Variants in FHIT observed in about 807,000 individuals in gnomAD.
FHIT encodes the protein fragile histidine triad diadenosine triphosphatase.
In FHIT, 19 loss-of-function variants were observed where a neutral mutation model predicts 17.9. That is an observed-to-expected ratio of 1.06 (90% CI 0.74 to 1.56). The LOEUF is 1.56. Ranked by LOEUF, FHIT falls within the 40% of genes most tolerant of loss-of-function variation. The probability of loss-of-function intolerance (pLI) is 0.00; values close to 1 mark genes in which losing one functional copy is unlikely to be tolerated. For missense variants in FHIT, 248 were observed against 189.2 expected, an observed-to-expected ratio of 1.31 and a Z score of -1.82; for synonymous variants, 81 against 69.7, an observed-to-expected ratio of 1.16 and a Z score of -0.81.
chr3:60,801,228 G>A (rs910334814), intron 4 of FHIT, among the ~76,000 whole-genome samples: 9 of 152,152 alleles, frequency 5.9e-5, no homozygotes, highest in Admixed American at 2.6e-4. Flanking sequence ...GGGTTATTCC[G>A]TGGGTTAATA....
chr3:61,210,841 G>A (rs967720476), intron 1 of FHIT, among the ~76,000 whole-genome samples: 1 of 151,866 alleles, frequency 6.6e-6, no homozygotes, highest in Non-Finnish European at 1.5e-5. Context: ...ACTCCCCAGT[G>A]AGATGAACCT....
intron 5 of FHIT, among the ~76,000 whole-genome samples, chr3:60,308,494 G>GTATATATATA (rs1308402989): frequency 3.8e-5 from 2 of 52,324 alleles, no homozygotes; most frequent in African/African-American, 1.8e-4. Context: ...ATAGGTGTAT[G>GTATATATATA]TGTATATATA....
At chr3:59,944,338 T>A (rs1706687619) in intron 7 of FHIT, among the ~76,000 whole-genome samples, 1 of 152,090 alleles carries the variant, frequency 6.6e-6, no homozygotes, top group Non-Finnish European at 1.5e-5. Flanking sequence ...ACAGAATGAA[T>A]CCATTACCAC....
Position 60,931,041 on chromosome 3 carries a change from T to C in FHIT, c.-110-109030A>G, listed in dbSNP as rs1174016782. ...ATGGAATACTATGCAGCCATAAAAA[T>C]TGATGAGTTCATGTCCTTTGTAGGG... On this transcript the variant is annotated intron_variant, in intron 3 of 9. Coordinates refer to ENST00000492590, the MANE Select transcript of FHIT (RefSeq NM_002012.4). Among the ~76,000 whole-genome samples, 3 of 152,122 alleles carry C rather than the reference T, an allele frequency of 2.0e-5. 1 individual carries two copies. The highest frequency in any genetic ancestry group is 6.3e-3 in the Middle Eastern group (2 of 316).
At chr3:60,352,965 C>A (rs2106951689) in intron 5 of FHIT, among the ~76,000 whole-genome samples, 1 of 152,284 alleles carries the variant, frequency 6.6e-6, no homozygotes, top group Middle Eastern at 3.4e-3. Context: ...CCTTGGAGAT[C>A]AATTCCTTAA....
intron 5 of FHIT, among the ~76,000 whole-genome samples, chr3:60,178,131 C>A (rs1039070595): frequency 3.9e-5 from 6 of 152,300 alleles, no homozygotes; most frequent in Non-Finnish European, 8.8e-5. Context: ...TTCAGAAGAA[C>A]TGAGGAGGAT....
Position 60,476,106 on chromosome 3 carries a change from AG to A in FHIT, c.103+60753del, listed in dbSNP as rs376598488. Among the ~76,000 whole-genome samples, 256 of 152,348 alleles carry A rather than the reference AG, an allele frequency of 1.7e-3. 5 individuals are homozygous for A. Among genetic ancestry groups the A allele is most frequent in the African/African-American group, 3.8e-3 (156 of 41,592 alleles). ...ATAGTAGAAAAACTGATGGCTGTGC[AG>A]TCACAGAAATCTTCCAAGTCTACAT... On this transcript the variant is annotated intron_variant, in intron 5 of 9. Coordinates refer to ENST00000492590, the MANE Select transcript of FHIT (RefSeq NM_002012.4).
chr3:61,113,011 T>C (rs140809717), intron 2 of FHIT, among the ~76,000 whole-genome samples: 3 of 152,176 alleles, frequency 2.0e-5, no homozygotes, highest in African/African-American at 7.2e-5. Context: ...TATTTGTTTG[T>C]TTGTTTGTTT....
chr3:60,037,805 C>A (rs574263356), intron 5 of FHIT, among the ~76,000 whole-genome samples: 1 of 151,996 alleles, frequency 6.6e-6, no homozygotes, highest in Non-Finnish European at 1.5e-5. Context: ...CCTCTGCCTC[C>A]CGGGTTCAAG....
intron 4 of FHIT, among the ~76,000 whole-genome samples, chr3:60,580,737 G>C (rs1295821134): frequency 6.6e-6 from 1 of 152,004 alleles, no homozygotes; most frequent in Non-Finnish European, 1.5e-5. Context: ...CCTTACAAAA[G>C]TTTCTTCCAT....
At chr3:60,132,610 T>C (rs1188238601) in intron 5 of FHIT, among the ~76,000 whole-genome samples, 1 of 152,142 alleles carries the variant, frequency 6.6e-6, no homozygotes, top group East Asian at 1.9e-4. Flanking sequence ...AGTTAATAAA[T>C]GGGTGAGGAT....
chr3:59,816,380 A>C (rs1261964009), intron 8 of FHIT, among the ~76,000 whole-genome samples: 1 of 152,182 alleles, frequency 6.6e-6, no homozygotes, highest in Non-Finnish European at 1.5e-5. Flanking sequence ...AAACAATAAT[A>C]ACAACAATCA....
chr3:60,658,969 T>C (rs797031158), intron 4 of FHIT, among the ~76,000 whole-genome samples: 12 of 151,980 alleles, frequency 7.9e-5, no homozygotes, highest in African/African-American at 2.7e-4. Context: ...AGCTTTTTTT[T>C]TTTTTTTAAT....
At chr3:60,392,803 C>T (rs1007072058) in intron 5 of FHIT, among the ~76,000 whole-genome samples, 4 of 152,140 alleles carry the variant, frequency 2.6e-5, no homozygotes, top group Non-Finnish European at 5.9e-5. Context: ...CCCAGTAAAA[C>T]CAAAGGTGGA....
intron 4 of FHIT, among the ~76,000 whole-genome samples, chr3:60,711,385 A>G (rs535713398): frequency 1.3e-5 from 2 of 152,376 alleles, no homozygotes; most frequent in African/African-American, 4.8e-5. Context: ...CCTCCAAAGG[A>G]ACGCAGCTCC....
In FHIT at chr3:60,472,984, A is replaced by C. The variant is rs2033165361; in HGVS notation, c.103+63876T>G. Among the ~76,000 whole-genome samples the C allele has an allele frequency of 2.6e-5, 4 of 152,174 alleles. 1 individual carries two copies. ...GTGCTATATTATAGAAATGTTTCTTATTATATTCATTTTCCAGAGACTGAG... is the reference window on the plus strand; with the variant it reads ...GTGCTATATTATAGAAATGTTTCTTCTTATATTCATTTTCCAGAGACTGAG... On this transcript the variant is annotated intron_variant, in intron 5 of 9. Transcript: ENST00000492590.
intron 8 of FHIT, among the ~76,000 whole-genome samples, chr3:59,823,774 C>A (rs1338421803): frequency 6.6e-6 from 1 of 152,126 alleles, no homozygotes; most frequent in Admixed American, 6.6e-5. Flanking sequence ...AGCATTCCCT[C>A]TGAGAAACGG....
intron 8 of FHIT, among the ~76,000 whole-genome samples, chr3:59,847,219 T>C (rs920760807): frequency 3.3e-5 from 5 of 152,180 alleles, no homozygotes; most frequent in African/African-American, 9.6e-5. Flanking sequence ...AATGCATACG[T>C]TGGTTCACTT....
chr3:60,230,531 C>T (rs1355496009), intron 5 of FHIT, among the ~76,000 whole-genome samples: 1 of 152,072 alleles, frequency 6.6e-6, no homozygotes, highest in African/African-American at 2.4e-5. Context: ...ATAGCATAGG[C>T]AAACAGATAA....
Sources: allele counts gnomAD v4.1 joint callset (sites outside exome capture counted in the v4.1 genomes callset), GRCh38; gene constraint gnomAD v4.1.1; transcripts MANE v1.5; gene names NCBI Gene and HGNC (gene_info 2026-07-23, HGNC 2026-07-21).